The following CRB1 variants were observed in gnomAD, a reference collection of about 807,000 sequenced individuals.
CRB1 encodes crumbs cell polarity complex component 1.
In CRB1, 83 loss-of-function variants were observed where a neutral mutation model predicts 120.0. The observed-to-expected ratio is 0.69, with a 90% CI of 0.58 to 0.83. The LOEUF (loss-of-function observed/expected upper bound fraction) is 0.83. CRB1 is among the 40% of genes least tolerant of loss of function. CRB1 has a pLI of 0.00. For missense variants in CRB1, 1,699 were observed against 1,687.6 expected (o/e 1.01, Z -0.12); for synonymous variants, 625 against 612.5 (o/e 1.02, Z -0.30).
At chr1:197,449,307 C>A (rs1571586746) in intron 11 of CRB1, among the ~76,000 whole-genome samples, 1 of 152,164 alleles carries the variant, frequency 6.6e-6, no homozygotes, top group Non-Finnish European at 1.5e-5. Flanking sequence ...GTAGCTTATA[C>A]AATGCAGAGA....
At chr1:197,275,417 G>A (rs905059128) in intron 1 of CRB1, among the ~76,000 whole-genome samples, 1 of 152,018 alleles carries the variant, frequency 6.6e-6, no homozygotes, top group Non-Finnish European at 1.5e-5. Context: ...TAAGTGCTTG[G>A]TAAATATTTG....
the CRB1 span, among the ~76,000 whole-genome samples, chr1:197,220,348 A>G: frequency 6.6e-6 from 1 of 152,202 alleles, no homozygotes; most frequent in South Asian, 2.1e-4. Context: ...AACTTAGAAG[A>G]AGTAAAATAA....
chr1:197,260,990 C>T, the CRB1 span, among the ~76,000 whole-genome samples: 7 of 152,156 alleles, frequency 4.6e-5, no homozygotes, highest in South Asian at 2.1e-4. Context: ...CCACCGCGCC[C>T]GGCCTCTAAA....
At position 197,421,926 on chromosome 1, in the gene CRB1, A is replaced by G. The variant is rs931715897; in HGVS notation, c.2098A>G (p.Arg700Gly). Reference sequence around the variant, plus strand: ...GCTGAGTTACCAGTGTGACTGCCACAGGCCCTATGAAGGCCCCAACTGTCT... The same window carrying G: ...GCTGAGTTACCAGTGTGACTGCCACGGGCCCTATGAAGGCCCCAACTGTCT... ...LWLSYQCDCH[R>G]PYEGPNCLRE... Residue 700 changes from arginine to glycine, a missense_variant, in exon 6 of 12, where the codon AGG (arginine) becomes GGG (glycine). By Grantham distance (125) the Arg-to-Gly change is moderately radical (BLOSUM62 -2). Coordinates refer to ENST00000367400, the MANE Select transcript of CRB1 (RefSeq NM_201253.3). The G allele has an allele frequency of 6.2e-7, 1 of 1,614,172 alleles. No homozygotes were observed. The highest frequency in any genetic ancestry group is 1.7e-5 in the Admixed American group (1 of 60,030).
intron 6 of CRB1, among the ~76,000 whole-genome samples, chr1:197,423,785 A>G (rs1200751662): frequency 6.6e-6 from 1 of 152,214 alleles, no homozygotes; most frequent in Non-Finnish European, 1.5e-5. Flanking sequence ...GAGACTGGAT[A>G]GAGGATTTTG....
intron 1 of CRB1, among the ~76,000 whole-genome samples, chr1:197,280,007 G>T (rs1351018906): frequency 6.6e-6 from 1 of 151,586 alleles, no homozygotes; most frequent in Non-Finnish European, 1.5e-5. Flanking sequence ...TTCCCATTTT[G>T]CAGAGATATC....
intron 4 of CRB1, among the ~76,000 whole-genome samples, chr1:197,353,947 T>C (rs1219538434): frequency 6.8e-6 from 1 of 148,092 alleles, no homozygotes; most frequent in Non-Finnish European, 1.5e-5. Flanking sequence ...GCAGTATACA[T>C]AGTATATAAA....
chr1:197,457,033 T>C (rs1383365438), intron 11 of CRB1, among the ~76,000 whole-genome samples: 4 of 152,162 alleles, frequency 2.6e-5, no homozygotes, highest in Admixed American at 2.6e-4. Flanking sequence ...AAAGACATTT[T>C]AAAGAATATG....
At chr1:197,308,227 A>C (rs1657287811) in intron 1 of CRB1, among the ~76,000 whole-genome samples, 1 of 152,200 alleles carries the variant, frequency 6.6e-6, no homozygotes, top group Non-Finnish European at 1.5e-5. Context: ...AGTAGGAGCT[A>C]AACGTTAAGC....
Position 197,434,907 on chromosome 1 carries a change from G to A in CRB1, c.3044G>A (p.Gly1015Asp), listed in dbSNP as rs1558137862. The A allele has an allele frequency of 1.2e-6, 2 of 1,613,828 alleles. No homozygotes were observed. Among genetic ancestry groups the A allele is most frequent in the Non-Finnish European group, 1.7e-6 (2 of 1,179,846 alleles). ...DSRLFFQLQS[G>D]NSFYMLSLTS... Reference sequence around the variant, plus strand: ...AGATTATTCTTTCAATTGCAAAGTGGCAACAGCTTTTATATGCTAAGTCTG... The same window carrying A: ...AGATTATTCTTTCAATTGCAAAGTGACAACAGCTTTTATATGCTAAGTCTG... Residue 1015 changes from glycine (G) to aspartate (D), a missense_variant, in exon 9 of 12, where the codon GGC (glycine) becomes GAC (aspartate). Coordinates refer to ENST00000367400, the MANE Select transcript of CRB1 (RefSeq NM_201253.3).
At chr1:197,336,697 C>T (rs1004393884) in intron 2 of CRB1, among the ~76,000 whole-genome samples, 4 of 152,192 alleles carry the variant, frequency 2.6e-5, no homozygotes, top group Admixed American at 2.0e-4. Flanking sequence ...GTGCGGACTT[C>T]GGAGATGTAA....
At chr1:197,240,831 A>G in the CRB1 span, among the ~76,000 whole-genome samples, 4 of 152,168 alleles carry the variant, frequency 2.6e-5, no homozygotes, top group African/African-American at 9.7e-5. Context: ...ATTCCCACCA[A>G]CTGTGTAAAA....
At chr1:197,452,212 C>G (rs550734118) in intron 11 of CRB1, among the ~76,000 whole-genome samples, 51 of 152,198 alleles carry the variant, frequency 3.4e-4, no homozygotes, top group African/African-American at 1.2e-3. Flanking sequence ...TCTAAGACGA[C>G]GAAGGAAATT....
chr1:197,256,955 G>A, the CRB1 span, among the ~76,000 whole-genome samples: 4 of 151,722 alleles, frequency 2.6e-5, no homozygotes, highest in African/African-American at 7.3e-5. Flanking sequence ...GTGTGTGTGT[G>A]TGTGTGTGTG....
intron 5 of CRB1, among the ~76,000 whole-genome samples, chr1:197,365,310 A>C (rs1262130745): frequency 1.3e-5 from 2 of 152,118 alleles, no homozygotes; most frequent in Admixed American, 6.5e-5. Flanking sequence ...CTCTGGGGGT[A>C]GAGAGCATTT....
chr1:197,378,593 T>A (rs1008422686), intron 5 of CRB1, among the ~76,000 whole-genome samples: 1 of 152,194 alleles, frequency 6.6e-6, no homozygotes, highest in South Asian at 2.1e-4. Context: ...ATTTCAGACC[T>A]GTTTTTCACT....
the CRB1 span, among the ~76,000 whole-genome samples, chr1:197,245,834 C>T: frequency 1.3e-5 from 2 of 152,028 alleles, no homozygotes; most frequent in Non-Finnish European, 2.9e-5. Flanking sequence ...TATGCTGACA[C>T]CTAAGAGTGG....
At chr1:197,351,470 A>T (rs1660104187) in intron 4 of CRB1, among the ~76,000 whole-genome samples, 1 of 152,040 alleles carries the variant, frequency 6.6e-6, no homozygotes, top group African/African-American at 2.4e-5. Flanking sequence ...TGGACTGTGT[A>T]GGGCTGGAGG....
At chr1:197,202,214 G>C in the CRB1 span, among the ~76,000 whole-genome samples, 3 of 152,244 alleles carry the variant, frequency 2.0e-5, 1 homozygote, top group South Asian at 4.1e-4. Flanking sequence ...AAGAACTCCT[G>C]CAGAGTTGGA....
Sources: gnomAD v4.1 joint callset for allele counts (sites outside exome capture counted in the v4.1 genomes callset) on GRCh38, gnomAD v4.1.1 for gene constraint, MANE v1.5 for transcripts, NCBI Gene and HGNC (gene_info 2026-07-23, HGNC 2026-07-21) for gene names.